The following MYCBP2 variants were observed in gnomAD, a reference collection of about 807,000 sequenced individuals.
The protein encoded by MYCBP2 is E3 ubiquitin-protein ligase MYCBP2.
MYCBP2 carries 120 observed loss-of-function variants against 525.3 expected under a neutral mutation model. The ratio of observed to expected loss-of-function variants is 0.23; its 90% CI spans 0.20 to 0.27. MYCBP2 has a LOEUF of 0.27. MYCBP2 is among the 10% of genes least tolerant of loss of function. The pLI, the probability that MYCBP2 is intolerant of heterozygous loss-of-function variation, is 1.00. For missense variants in MYCBP2, 4,149 were observed against 5,657.1 expected (o/e 0.73, Z 8.55); for synonymous variants, 1,894 against 1,955.8 (o/e 0.97, Z 0.83).
chr13:77,055,408 C>A, intron 80 of MYCBP2, 150 bp downstream of exon 80: 1 of 719,054 alleles, frequency 1.4e-6, no homozygotes, highest in Non-Finnish European at 2.2e-6. Flanking sequence ...ACAAGTTTTA[C>A]TGGAAACATT....
At chr13:77,206,416 A>T (rs910243520) in intron 24 of MYCBP2, among the ~76,000 whole-genome samples, 2 of 151,830 alleles carry the variant, frequency 1.3e-5, no homozygotes, top group Admixed American at 1.3e-4. Context: ...ATTATTTTTA[A>T]GGGTCTACCT....
chr13:77,151,817 A>G (rs1229555032), intron 46 of MYCBP2, among the ~76,000 whole-genome samples: 1 of 152,234 alleles, frequency 6.6e-6, no homozygotes, highest in Non-Finnish European at 1.5e-5. Flanking sequence ...TATTTCCCAG[A>G]AATTATAAGA....
rs751575831 is a variant in MYCBP2, at chr13:77,059,616, G to C, written c.13047C>G (p.Thr4349=). 1 of 1,613,496 alleles carries C rather than the reference G, an allele frequency of 6.2e-7. No individual in the cohort carries two copies. Among genetic ancestry groups the C allele is most frequent in the Middle Eastern group, 1.7e-4 (1 of 6,060 alleles). The change falls in exon 77 of 83, where the codon ACC becomes ACG. Residue 4349 remains threonine (T), a synonymous_variant. Transcript: ENST00000544440. The stretch of plus-strand genomic sequence containing the variant: ...AGCGACATGCTTCTGAGCTACTCGT[G>C]GTGGGTTTGCCTAGGTTCAAGCAGA... ...VEFREHTGKP[T]TSSSEACRFC... is the part of the protein sequence containing the mutation.
intron 8 of MYCBP2, 79 bp from the exon 9 acceptor site, chr13:77,264,081 A>G (rs192379650): frequency 4.4e-4 from 484 of 1,105,488 alleles, no homozygotes; most frequent in Admixed American, 1.1e-3. Context: ...GTTGAAGTCA[A>G]AATGAGAGTT....
intron 15 of MYCBP2, among the ~76,000 whole-genome samples, chr13:77,247,923 T>TAAACTAAAAAA (rs923728019): frequency 3.3e-5 from 5 of 151,090 alleles, no homozygotes; most frequent in African/African-American, 9.8e-5. Flanking sequence ...ATGTAAGACC[T>TAAACTAAAAAA]AAAACTATTA....
chr13:77,242,368 CT>C (rs1220810986), intron 17 of MYCBP2, among the ~76,000 whole-genome samples: 1 of 152,226 alleles, frequency 6.6e-6, no homozygotes, highest in African/African-American at 2.4e-5. Flanking sequence ...CCTGCCTCAG[CT>C]TCCCAAAGTG....
In MYCBP2 at chr13:77,121,367, A is replaced by G; in HGVS notation, c.8140+6T>C. 6.5e-7 allele frequency: 1 copy of G among 1,538,164 alleles called. No individual in the cohort carries two copies. Among genetic ancestry groups the G allele is most frequent in the East Asian group, 2.3e-5 (1 of 43,476 alleles). Reference sequence around the variant, plus strand: ...GTAAGTAAAAGACTTACTTTTAAATACCTACCTTTGCTATTTCCGAGTCCA... The same window carrying G: ...GTAAGTAAAAGACTTACTTTTAAATGCCTACCTTTGCTATTTCCGAGTCCA... On this transcript the variant is annotated splice_donor_region_variant and intron_variant, in intron 55 of 82. Coordinates refer to ENST00000544440, the MANE Select transcript of MYCBP2 (RefSeq NM_015057.5).
chr13:77,323,672 T>C (rs922360601), intron 1 of MYCBP2, among the ~76,000 whole-genome samples: 42 of 152,248 alleles, frequency 2.8e-4, no homozygotes, highest in African/African-American at 1.0e-3. Context: ...TTGTCTATCT[T>C]GCTCACCGCT....
chr13:77,243,897 C>T lies in MYCBP2; in HGVS notation c.2436G>A (p.Lys812=). The change falls in exon 16 of 83, where the codon AAG becomes AAA. Residue 812 remains lysine (K), a synonymous_variant. Transcript: ENST00000544440. The part of the protein sequence containing the change: ...ESGCAVCGCC[K]ACARELDGQE... ...GACCATCTAACTCTCTTGCACAGGC[C>T]TTGCAACATCCACACACAGCACAAC... 6.2e-7 allele frequency: 1 copy of T among 1,610,636 alleles called. No homozygotes were observed. The highest frequency in any genetic ancestry group is 2.2e-5 in the East Asian group (1 of 44,730).
Position 77,270,345 on chromosome 13 carries a change from C to A in MYCBP2, c.1139G>T (p.Cys380Phe). 2 of 1,613,504 alleles carry A rather than the reference C, an allele frequency of 1.2e-6. No individual in the cohort carries two copies. Among genetic ancestry groups the A allele is most frequent in the African/African-American group, 2.7e-5 (2 of 75,014 alleles). The change falls in exon 6 of 83, where the codon TGC becomes TTC. Residue 380 changes from cysteine (C) to phenylalanine (F), a missense_variant. Physicochemically the swap from Cys to Phe is radical, Grantham distance 205. Transcript: ENST00000544440. The stretch of plus-strand genomic sequence containing the variant: ...GCCTATTTTATATAATCCATCCTTG[C>A]ATAATAGATAAAGAAAAAATCCATC... ...QNDGFFLYLLCKDGLYKIGSG... is the reference protein window; with the variant it reads ...QNDGFFLYLLFKDGLYKIGSG...
In MYCBP2 at chr13:77,251,094, A is replaced by AT. The variant is rs1234231778; in HGVS notation, c.2381+56dup. On this transcript the variant is annotated intron_variant, in intron 15 of 82. Transcript: ENST00000544440. ...TAATAGTAGAGTATACTCCGGAATG[A>AT]TTTTGCAAAGAAATGTGTTCTGCAC... The AT allele has an allele frequency of 2.0e-4, 314 of 1,543,300 alleles. 1 individual carries two copies. The highest frequency in any genetic ancestry group is 9.0e-5 in the Non-Finnish European group (101 of 1,127,118).
chr13:77,298,275 C>A (rs1272863169), intron 1 of MYCBP2, among the ~76,000 whole-genome samples: 1 of 152,236 alleles, frequency 6.6e-6, no homozygotes, highest in Non-Finnish European at 1.5e-5. Flanking sequence ...CACTACTTAT[C>A]TTCGAGGTCT....
chr13:77,067,480 G>A (rs1014272669), intron 71 of MYCBP2, 101 bp downstream of exon 71: 2 of 1,218,268 alleles, frequency 1.6e-6, no homozygotes, highest in Non-Finnish European at 2.3e-6. Flanking sequence ...ATTTTATTTG[G>A]TGAGTAACCT....
chr13:77,189,168 G>T (rs1437264859), intron 29 of MYCBP2, 121 bp from the exon 30 acceptor site: 2 of 634,962 alleles, frequency 3.1e-6, no homozygotes, highest in African/African-American at 1.9e-5. Flanking sequence ...TTTTTGCCAG[G>T]TAATGCCAAT....
At chr13:77,319,948 T>C (rs2081392678) in intron 1 of MYCBP2, among the ~76,000 whole-genome samples, 1 of 152,112 alleles carries the variant, frequency 6.6e-6, no homozygotes, top group Non-Finnish European at 1.5e-5. Flanking sequence ...CGGAAGTTTA[T>C]TGCGGAGTGC....
chr13:77,103,103 A>T (rs887430184), intron 55 of MYCBP2: 8 of 392,460 alleles, frequency 2.0e-5, no homozygotes, highest in African/African-American at 1.7e-4. Flanking sequence ...AACTTTAATT[A>T]AAAAAATGGA....
intron 8 of MYCBP2, among the ~76,000 whole-genome samples, chr13:77,267,434 TA>T (rs2074269793): frequency 6.6e-6 from 1 of 150,416 alleles, no homozygotes; most frequent in African/African-American, 2.4e-5. Flanking sequence ...TAAATAAAAT[TA>T]AATTAAATTA....
intron 55 of MYCBP2, among the ~76,000 whole-genome samples, chr13:77,112,013 A>G (rs982910122): frequency 6.6e-6 from 1 of 152,180 alleles, no homozygotes; most frequent in African/African-American, 2.4e-5. Context: ...GTTCTTGGAC[A>G]GGGATAAAAG....
chr13:77,258,374 T>G (rs895030695), intron 13 of MYCBP2, among the ~76,000 whole-genome samples: 1 of 152,206 alleles, frequency 6.6e-6, no homozygotes, highest in African/African-American at 2.4e-5. Context: ...TTTCATTATA[T>G]TTGTCATATC....
Sources: allele counts gnomAD v4.1 joint callset (sites outside exome capture counted in the v4.1 genomes callset), GRCh38; gene constraint gnomAD v4.1.1; transcripts MANE v1.5; gene names NCBI Gene and HGNC (gene_info 2026-07-23, HGNC 2026-07-21).